The following HNF4G variants were observed in gnomAD, a reference collection of about 807,000 sequenced individuals.
HNF4G encodes the protein hepatocyte nuclear factor 4-gamma.
In HNF4G, 21 loss-of-function variants were observed where a neutral mutation model predicts 50.9. That is an observed-to-expected ratio of 0.41 (90% CI 0.29 to 0.59). HNF4G has a LOEUF of 0.59. Among genes scored for constraint, HNF4G ranks in the 20% least tolerant of loss-of-function variants. The probability of loss-of-function intolerance (pLI) is 0.26; values close to 1 mark genes in which losing one functional copy is unlikely to be tolerated. For missense variants in HNF4G, 527 were observed against 559.4 expected, an observed-to-expected ratio of 0.94 and a Z score of 0.58; for synonymous variants, 198 against 185.6, an observed-to-expected ratio of 1.07 and a Z score of -0.54.
intron 1 of HNF4G, among the ~76,000 whole-genome samples, chr8:75,416,312 A>G (rs545010811): frequency 6.6e-6 from 1 of 152,314 alleles, no homozygotes; most frequent in South Asian, 2.1e-4. Flanking sequence ...CATCAGATCA[A>G]CTTCGGAAAC....
At chr8:75,479,611 A>G (rs1322146728) in intron 1 of HNF4G, among the ~76,000 whole-genome samples, 1 of 150,222 alleles carries the variant, frequency 6.7e-6, no homozygotes, top group Non-Finnish European at 1.5e-5. Flanking sequence ...TGTCTCTTAT[A>G]TAAAGAAATA....
intron 1 of HNF4G, among the ~76,000 whole-genome samples, chr8:75,449,174 G>C (rs1273135420): frequency 2.0e-5 from 3 of 152,096 alleles, no homozygotes; most frequent in Non-Finnish European, 4.4e-5. Flanking sequence ...GATTCAGACT[G>C]CTTCTATCTT....
intron 1 of HNF4G, among the ~76,000 whole-genome samples, chr8:75,432,456 A>G (rs2130522125): frequency 6.6e-6 from 1 of 152,048 alleles, no homozygotes; most frequent in South Asian, 2.1e-4. Flanking sequence ...AGCTGGGATT[A>G]CGTCTGGCTA....
chr8:75,528,662 A>G (rs893053526), intron 2 of HNF4G, among the ~76,000 whole-genome samples: 12 of 152,206 alleles, frequency 7.9e-5, no homozygotes, highest in Admixed American at 7.9e-4. Context: ...ATGAGTTCAG[A>G]TGGGTCTGCA....
intron 2 of HNF4G, among the ~76,000 whole-genome samples, chr8:75,526,691 C>G (rs574428673): frequency 6.6e-6 from 1 of 151,508 alleles, no homozygotes; most frequent in East Asian, 2.0e-4. Flanking sequence ...TGCCACCACA[C>G]AAGACTAATT....
intron 1 of HNF4G, among the ~76,000 whole-genome samples, chr8:75,463,483 A>G (rs1251604993): frequency 6.6e-6 from 1 of 152,136 alleles, no homozygotes; most frequent in Admixed American, 6.5e-5. Context: ...GATCTGGCCA[A>G]TTTAATTACA....
intron 1 of HNF4G, among the ~76,000 whole-genome samples, chr8:75,485,213 ACAAATTCC>A (rs1373096162): frequency 6.6e-6 from 1 of 152,224 alleles, no homozygotes; most frequent in East Asian, 1.9e-4. Flanking sequence ...TCTACATTTC[ACAAATTCC>A]CTATACCAAG....
upstream of HNF4G, among the ~76,000 whole-genome samples, chr8:75,537,494 C>T (rs1806497532): frequency 6.6e-6 from 1 of 152,086 alleles, no homozygotes; most frequent in Non-Finnish European, 1.5e-5. Context: ...AATCTACTTG[C>T]CTTGGCCTAC....
intron 1 of HNF4G, among the ~76,000 whole-genome samples, chr8:75,482,856 G>A (rs35825884): frequency 0.23 from 35,272 of 152,076 alleles, 5,384 homozygotes; most frequent in African/African-American, 0.44. Flanking sequence ...TCTTGATTCT[G>A]TATCTAACAG....
chr8:75,468,551 G>A (rs192041495), intron 1 of HNF4G, among the ~76,000 whole-genome samples: 3 of 152,074 alleles, frequency 2.0e-5, no homozygotes, highest in East Asian at 3.9e-4. Flanking sequence ...AAAATTAGCC[G>A]AGTGTGGTGG....
chr8:75,519,654 T>C (rs887981020), intron 2 of HNF4G, among the ~76,000 whole-genome samples: 1 of 152,172 alleles, frequency 6.6e-6, no homozygotes, highest in South Asian at 2.1e-4. Context: ...TTCAATTGCC[T>C]CCCACTGGGT....
intron 2 of HNF4G, among the ~76,000 whole-genome samples, chr8:75,514,065 A>G (rs1805827565): frequency 1.3e-5 from 2 of 151,870 alleles, no homozygotes. Flanking sequence ...TTGAATTAAT[A>G]TTGATTTTCC....
intron 3 of HNF4G, among the ~76,000 whole-genome samples, chr8:75,551,024 T>C (rs1027066596): frequency 1.3e-5 from 2 of 152,186 alleles, no homozygotes; most frequent in African/African-American, 2.4e-5. Flanking sequence ...GAATACACTC[T>C]TATCTTTGAC....
chr8:75,562,321 A>T (rs930122430), intron 9 of HNF4G, among the ~76,000 whole-genome samples: 10 of 152,138 alleles, frequency 6.6e-5, no homozygotes, highest in Admixed American at 1.3e-4. Flanking sequence ...TGAATATATG[A>T]GAAAGAGAAA....
intron 1 of HNF4G, among the ~76,000 whole-genome samples, chr8:75,454,170 A>C (rs1585858327): frequency 6.6e-6 from 1 of 150,626 alleles, no homozygotes; most frequent in South Asian, 2.1e-4. Flanking sequence ...AGGACACAGC[A>C]AGAAGGCAAC....
At chr8:75,480,477 T>C (rs1812350400) in intron 1 of HNF4G, among the ~76,000 whole-genome samples, 1 of 152,184 alleles carries the variant, frequency 6.6e-6, no homozygotes, top group African/African-American at 2.4e-5. Context: ...AGATAATAGC[T>C]AAAGTAAAAC....
At chr8:75,526,457 A>G (rs938944660) in intron 2 of HNF4G, among the ~76,000 whole-genome samples, 1 of 152,188 alleles carries the variant, frequency 6.6e-6, no homozygotes, top group African/African-American at 2.4e-5. Context: ...GTCCAAGGCA[A>G]TGAGCAATGC....
intron 2 of HNF4G, among the ~76,000 whole-genome samples, chr8:75,509,033 A>G (rs1805681746): frequency 6.6e-6 from 1 of 152,224 alleles, no homozygotes; most frequent in South Asian, 2.1e-4. Context: ...AAAATTACAG[A>G]AATGTGTCCG....
At chr8:75,488,586 C>T (rs769548084) in intron 1 of HNF4G, among the ~76,000 whole-genome samples, 6 of 151,994 alleles carry the variant, frequency 3.9e-5, no homozygotes, top group Admixed American at 6.6e-5. Flanking sequence ...CCTCATTGGA[C>T]GTTTTGGACA....
Sources: allele counts gnomAD v4.1 joint callset (sites outside exome capture counted in the v4.1 genomes callset), GRCh38; gene constraint gnomAD v4.1.1; transcripts MANE v1.5; gene names NCBI Gene and HGNC (gene_info 2026-07-23, HGNC 2026-07-21).